The following CNTNAP2 variants were observed in gnomAD, a reference collection of about 807,000 sequenced individuals.
CNTNAP2 encodes contactin associated protein 2, also known as contactin-associated protein-like 2.
CNTNAP2 carries 98 observed loss-of-function variants against 155.2 expected under a neutral mutation model. That is an observed-to-expected ratio of 0.63 (90% CI 0.54 to 0.75). The LOEUF is 0.75. CNTNAP2 is among the 30% of genes least tolerant of loss of function. CNTNAP2 has a pLI of 0.00. For synonymous variants in CNTNAP2, 651 were observed against 631.2 expected (o/e 1.03, Z -0.47); for missense variants, 1,727 against 1,688.1 (o/e 1.02, Z -0.40).
intron 8 of CNTNAP2, among the ~76,000 whole-genome samples, chr7:147,157,602 A>C (rs969426882): frequency 3.3e-5 from 5 of 152,064 alleles, no homozygotes; most frequent in Non-Finnish European, 7.4e-5. Flanking sequence ...AATACTGTGC[A>C]ATGGTATTAT....
chr7:147,816,151 CAGG>C (rs151268305), intron 13 of CNTNAP2, among the ~76,000 whole-genome samples: 3,820 of 152,264 alleles, frequency 0.025, 141 homozygotes, highest in African/African-American at 0.087. Flanking sequence ...CCCATCCACA[CAGG>C]AGAAGTTCAT....
At chr7:147,569,957 T>A (rs528636982) in intron 12 of CNTNAP2, among the ~76,000 whole-genome samples, 14 of 152,370 alleles carry the variant, frequency 9.2e-5, no homozygotes, top group African/African-American at 3.4e-4. Context: ...GTTTAAAGAC[T>A]GACGTCTCCT....
At chr7:147,273,923 TC>T (rs1804826919) in intron 8 of CNTNAP2, among the ~76,000 whole-genome samples, 1 of 148,172 alleles carries the variant, frequency 6.7e-6, no homozygotes, top group Admixed American at 6.8e-5. Context: ...TTTATATATT[TC>T]ATATATATGT....
rs150417603 is a variant in CNTNAP2, at chr7:148,168,706, G to A, written c.2774-3536G>A. ...GTGCACATGTACCCTAAAACTTAAA[G>A]TATAATTTAAAAAAAGAAAAATATC... On this transcript the variant is annotated intron_variant, in intron 17 of 23. Transcript: ENST00000361727. 5.0e-3 allele frequency among the ~76,000 whole-genome samples: 757 copies of A among 152,144 alleles called. 8 individuals are homozygous for A. Among genetic ancestry groups the A allele is most frequent in the African/African-American group, 0.017 (718 of 41,498 alleles).
chr7:146,545,065 G>A (rs1379695515), intron 1 of CNTNAP2, among the ~76,000 whole-genome samples: 1 of 151,824 alleles, frequency 6.6e-6, no homozygotes, highest in Non-Finnish European at 1.5e-5. Context: ...GGTATCTTTG[G>A]GGTAGTTTAC....
chr7:146,401,581 T>C (rs769924841), intron 1 of CNTNAP2, among the ~76,000 whole-genome samples: 1 of 152,184 alleles, frequency 6.6e-6, no homozygotes, highest in Non-Finnish European at 1.5e-5. Context: ...TTTTCACATA[T>C]ATAAATTGTG....
intron 14 of CNTNAP2, among the ~76,000 whole-genome samples, chr7:147,905,621 G>A (rs117534783): frequency 0.044 from 6,665 of 152,278 alleles, 256 homozygotes; most frequent in Admixed American, 0.12. Flanking sequence ...AGTGGCTCAC[G>A]CCTATAATCC....
intron 1 of CNTNAP2, among the ~76,000 whole-genome samples, chr7:146,755,270 A>G (rs1801975382): frequency 6.6e-6 from 1 of 152,058 alleles, no homozygotes; most frequent in Admixed American, 6.6e-5. Flanking sequence ...GACACAGTAG[A>G]GAATGTCTGC....
At chr7:146,801,442 C>T (rs1432773347) in intron 2 of CNTNAP2, among the ~76,000 whole-genome samples, 1 of 152,060 alleles carries the variant, frequency 6.6e-6, no homozygotes, top group East Asian at 1.9e-4. Flanking sequence ...AATGAAGGTA[C>T]AAATTAAGTA....
At chr7:148,297,974 A>T (rs535220320) in intron 21 of CNTNAP2, among the ~76,000 whole-genome samples, 2 of 152,172 alleles carry the variant, frequency 1.3e-5, no homozygotes, top group Non-Finnish European at 2.9e-5. Context: ...CTCATTCTCA[A>T]TTAAGGATTG....
intron 1 of CNTNAP2, among the ~76,000 whole-genome samples, chr7:146,417,220 G>T (rs568233646): frequency 6.6e-6 from 1 of 152,134 alleles, no homozygotes; most frequent in South Asian, 2.1e-4. Flanking sequence ...AAAGAGCTCT[G>T]TACTGTCAAA....
intron 3 of CNTNAP2, among the ~76,000 whole-genome samples, chr7:146,965,160 C>A (rs1442691387): frequency 6.6e-6 from 1 of 151,944 alleles, no homozygotes; most frequent in Non-Finnish European, 1.5e-5. Context: ...AGAGGGGGTG[C>A]AATCATTTAA....
At chr7:147,549,853 A>G (rs1252861275) in intron 11 of CNTNAP2, among the ~76,000 whole-genome samples, 1 of 152,210 alleles carries the variant, frequency 6.6e-6, no homozygotes, top group Admixed American at 6.5e-5. Flanking sequence ...CTGGAATCAG[A>G]GCTATTTATT....
At chr7:147,548,963 A>G (rs1282278583) in intron 11 of CNTNAP2, among the ~76,000 whole-genome samples, 1 of 152,172 alleles carries the variant, frequency 6.6e-6, no homozygotes, top group Non-Finnish European at 1.5e-5. Context: ...CCATTGGTCT[A>G]TATGTCTGTT....
At chr7:147,475,813 A>C (rs1798310295) in intron 10 of CNTNAP2, among the ~76,000 whole-genome samples, 1 of 152,194 alleles carries the variant, frequency 6.6e-6, no homozygotes, top group South Asian at 2.1e-4. Flanking sequence ...AGGAAGAAGG[A>C]GGTCTCACTC....
intron 2 of CNTNAP2, among the ~76,000 whole-genome samples, chr7:146,812,310 C>T (rs1407823757): frequency 6.6e-6 from 1 of 151,930 alleles, no homozygotes; most frequent in African/African-American, 2.4e-5. Context: ...ACAAAGGTGA[C>T]ACTTGTTATG....
chr7:147,940,007 A>C (rs550157866), intron 14 of CNTNAP2: 1 of 152,308 alleles, frequency 6.6e-6, no homozygotes, highest in East Asian at 1.9e-4. Context: ...CTTTAGAGCC[A>C]AGCATGGTGG....
intron 3 of CNTNAP2, among the ~76,000 whole-genome samples, chr7:146,946,334 A>G (rs1797173429): frequency 1.3e-5 from 2 of 152,140 alleles, no homozygotes; most frequent in South Asian, 4.1e-4. Context: ...ATAAAAGTTC[A>G]TTGTTTTTAT....
At chr7:148,024,157 T>TAAAAAAAAAAAAAAA (rs34591496) in intron 15 of CNTNAP2, among the ~76,000 whole-genome samples, 9 of 107,628 alleles carry the variant, frequency 8.4e-5, no homozygotes, top group African/African-American at 3.2e-4. Context: ...CTTTAAAGTG[T>TAAAAAAAAAAAAAAA]AAAAAAAAAA....
Sources: gnomAD v4.1 joint callset for allele counts (sites outside exome capture counted in the v4.1 genomes callset) on GRCh38, gnomAD v4.1.1 for gene constraint, MANE v1.5 for transcripts, NCBI Gene and HGNC (gene_info 2026-07-23, HGNC 2026-07-21) for gene names.